The following HTR1F variants were observed in gnomAD, a reference collection of about 807,000 sequenced individuals.
HTR1F encodes the protein 5-hydroxytryptamine receptor 1F, also known as 5-hydroxytryptamine (serotonin) receptor 1F, G protein-coupled.
Under a neutral mutation model 24.0 loss-of-function variants are expected in HTR1F, and 17 were observed. The ratio of observed to expected loss-of-function variants is 0.71; its 90% CI spans 0.48 to 1.06. The LOEUF is 1.06. Ranked by LOEUF, HTR1F falls within the 50% of genes least tolerant of loss-of-function variation. HTR1F has a pLI of 0.00. For missense variants in HTR1F, 391 were observed against 427.8 expected (o/e 0.91, Z 0.76); for synonymous variants, 186 against 156.8 (o/e 1.19, Z -1.39).
intron 2 of HTR1F, among the ~76,000 whole-genome samples, chr3:87,878,837 A>G (rs1211717550): frequency 6.6e-6 from 1 of 152,160 alleles, no homozygotes; most frequent in Non-Finnish European, 1.5e-5. Flanking sequence ...CTTGAACTTG[A>G]GTTCATCTCA....
intron 2 of HTR1F, among the ~76,000 whole-genome samples, chr3:87,925,041 C>A (rs1419523352): frequency 4.6e-5 from 7 of 151,674 alleles, no homozygotes; most frequent in African/African-American, 1.7e-4. Context: ...ATCCCTAAGT[C>A]CCAAAGGTTT....
At chr3:87,841,596 C>G (rs1704803789) in intron 2 of HTR1F, among the ~76,000 whole-genome samples, 1 of 151,576 alleles carries the variant, frequency 6.6e-6, no homozygotes, top group African/African-American at 2.4e-5. Flanking sequence ...GCTCAATGAC[C>G]TTAAAAACTA....
intron 2 of HTR1F, among the ~76,000 whole-genome samples, chr3:87,879,991 A>AT (rs35244360): frequency 6.6e-6 from 1 of 152,160 alleles, no homozygotes; most frequent in Non-Finnish European, 1.5e-5. Context: ...TCTAAACAGT[A>AT]TTTTTCATAT....
chr3:87,924,598 A>G (rs1470865595), intron 2 of HTR1F, among the ~76,000 whole-genome samples: 1 of 152,146 alleles, frequency 6.6e-6, no homozygotes, highest in Non-Finnish European at 1.5e-5. Context: ...TTGTCTGGAA[A>G]AGACTATTTC....
intron 2 of HTR1F, among the ~76,000 whole-genome samples, chr3:87,880,497 G>A (rs1705768063): frequency 6.6e-6 from 1 of 152,052 alleles, no homozygotes; most frequent in Non-Finnish European, 1.5e-5. Flanking sequence ...ATAAAGGATT[G>A]TTTTTAGAAA....
At chr3:87,943,220 T>G (rs1314555163) in intron 2 of HTR1F, among the ~76,000 whole-genome samples, 1 of 152,070 alleles carries the variant, frequency 6.6e-6, no homozygotes, top group East Asian at 1.9e-4. Flanking sequence ...CCTGACTGAG[T>G]GAGATACCAG....
At chr3:87,959,361 C>CGGA (rs1705012548) in intron 2 of HTR1F, among the ~76,000 whole-genome samples, 1 of 151,854 alleles carries the variant, frequency 6.6e-6, no homozygotes, top group Non-Finnish European at 1.5e-5. Flanking sequence ...TTCTCCCTTG[C>CGGA]TTCCTACATG....
chr3:87,830,011 T>C (rs1361606321), intron 2 of HTR1F, among the ~76,000 whole-genome samples: 1 of 152,212 alleles, frequency 6.6e-6, no homozygotes, highest in Non-Finnish European at 1.5e-5. Context: ...ATTTCCCTAA[T>C]TTAAGCATTT....
intron 2 of HTR1F, among the ~76,000 whole-genome samples, chr3:87,862,738 G>A (rs994066566): frequency 9.9e-5 from 15 of 152,016 alleles, no homozygotes; most frequent in African/African-American, 3.6e-4. Context: ...ATATATAATG[G>A]ATCATTTTTC....
chr3:87,936,410 G>C (rs1055545741), intron 2 of HTR1F, among the ~76,000 whole-genome samples: 1 of 152,114 alleles, frequency 6.6e-6, no homozygotes, highest in African/African-American at 2.4e-5. Flanking sequence ...TGAGCCACTT[G>C]AGTCTCCACG....
At chr3:87,801,651 G>T (rs568403179) in intron 1 of HTR1F, among the ~76,000 whole-genome samples, 1 of 152,174 alleles carries the variant, frequency 6.6e-6, no homozygotes, top group Non-Finnish European at 1.5e-5. Flanking sequence ...GCATTCCTTT[G>T]AGTTTCTGAT....
chr3:87,937,646 A>T (rs1213717182), intron 2 of HTR1F, among the ~76,000 whole-genome samples: 1 of 152,112 alleles, frequency 6.6e-6, no homozygotes, highest in African/African-American at 2.4e-5. Context: ...AAATAGGGCC[A>T]GGCGCAGTGG....
At chr3:87,954,969 G>C (rs1197964306) in intron 2 of HTR1F, among the ~76,000 whole-genome samples, 1 of 151,202 alleles carries the variant, frequency 6.6e-6, no homozygotes, top group Non-Finnish European at 1.5e-5. Context: ...TATTCTGCTT[G>C]GAGAATGTTC....
chr3:87,900,887 T>A (rs149145256), intron 2 of HTR1F, among the ~76,000 whole-genome samples: 312 of 152,246 alleles, frequency 2.0e-3, no homozygotes, highest in African/African-American at 7.3e-3. Context: ...CATGCAGAAA[T>A]TTTAAGTAGA....
At chr3:87,975,867 T>C (rs1367605747) in intron 2 of HTR1F, among the ~76,000 whole-genome samples, 10 of 152,258 alleles carry the variant, frequency 6.6e-5, no homozygotes, top group Non-Finnish European at 1.2e-4. Flanking sequence ...CTGCCTTGTG[T>C]TGACTGCTGA....
chr3:87,976,201 A>G (rs557951895), intron 2 of HTR1F, among the ~76,000 whole-genome samples: 2 of 152,366 alleles, frequency 1.3e-5, no homozygotes, highest in East Asian at 1.9e-4. Context: ...ATAGAATACA[A>G]TGGAAGAGCA....
chr3:87,849,205 C>G (rs1705020507), intron 2 of HTR1F, among the ~76,000 whole-genome samples: 2 of 151,862 alleles, frequency 1.3e-5, no homozygotes, highest in Admixed American at 6.6e-5. Flanking sequence ...TGACTTCAAA[C>G]TATACTACAA....
chr3:87,914,255 AG>A (rs1191009338), intron 2 of HTR1F, among the ~76,000 whole-genome samples: 19 of 152,082 alleles, frequency 1.2e-4, no homozygotes, highest in Admixed American at 6.6e-4. Context: ...GACCTTCAGG[AG>A]GGAGGCCAGA....
intron 1 of HTR1F, chr3:87,793,380 TTGCAG>T (rs1181344601): frequency 6.6e-6 from 1 of 151,998 alleles, no homozygotes; most frequent in Non-Finnish European, 1.5e-5. Context: ...CGGAAATCGC[TTGCAG>T]TTTTCCAACT....
Sources: allele counts gnomAD v4.1 joint callset (sites outside exome capture counted in the v4.1 genomes callset), GRCh38; gene constraint gnomAD v4.1.1; transcripts MANE v1.5; gene names NCBI Gene and HGNC (gene_info 2026-07-23, HGNC 2026-07-21).